TLK1: variants seen among roughly 807,000 people sequenced by gnomAD.
TLK1 encodes the protein tousled like kinase 1, also known as serine/threonine-protein kinase tousled-like 1.
In TLK1, 24 loss-of-function variants were observed where a neutral mutation model predicts 105.3. The observed-to-expected ratio is 0.23, with a 90% CI of 0.17 to 0.32. TLK1 has a LOEUF of 0.32. TLK1 is among the 10% of genes least tolerant of loss of function. TLK1 has a pLI of 1.00. For missense variants in TLK1, 558 were observed against 910.5 expected, an observed-to-expected ratio of 0.61 and a Z score of 4.98; for synonymous variants, 321 against 310.4, an observed-to-expected ratio of 1.03 and a Z score of -0.36.
intron 11 of TLK1, among the ~76,000 whole-genome samples, chr2:171,031,815 AT>A (rs1296185089): frequency 6.6e-6 from 1 of 152,202 alleles, no homozygotes; most frequent in Non-Finnish European, 1.5e-5. Flanking sequence ...AAACAGGGAT[AT>A]TCATTTTAAA....
intron 1 of TLK1, among the ~76,000 whole-genome samples, chr2:171,137,029 TA>T (rs1189478701): frequency 1.3e-5 from 2 of 152,204 alleles, no homozygotes; most frequent in Non-Finnish European, 2.9e-5. Context: ...ACAACTCTTT[TA>T]AAACAGTTTA....
chr2:171,114,079 T>C (rs906103731), intron 2 of TLK1, among the ~76,000 whole-genome samples: 3 of 152,236 alleles, frequency 2.0e-5, no homozygotes, highest in Non-Finnish European at 4.4e-5. Context: ...AAATATATTA[T>C]GGAATCTTAC....
rs752752472 is a variant in TLK1, at chr2:171,117,694, T to C, written c.258+45A>G. The stretch of plus-strand genomic sequence containing the variant: ...CCTTTACATACTATTTTAGATCATT[T>C]AATAGAAAGAAAGACTGTCAAATAA... On this transcript the variant is annotated intron_variant, in intron 2 of 20. Transcript: ENST00000431350. 2.0e-6 allele frequency: 3 copies of C among 1,466,440 alleles called. No homozygotes were observed. In the South Asian group the frequency reaches 3.5e-5, roughly 17 times the overall value. 90.8% of individuals were successfully genotyped at this position (1,466,440 alleles called of 1,614,324 possible). A position where few individuals can be genotyped will look rare whatever the true frequency, so the allele number is the denominator to read the frequency against.
chr2:171,172,767 C>T (rs1692754469), intron 1 of TLK1, among the ~76,000 whole-genome samples: 1 of 152,160 alleles, frequency 6.6e-6, no homozygotes, highest in Admixed American at 6.5e-5. Context: ...CCCCAGAAGC[C>T]ACGCAGATGT....
At chr2:171,095,677 AACAT>A (rs1689423114) in intron 2 of TLK1, among the ~76,000 whole-genome samples, 1 of 152,202 alleles carries the variant, frequency 6.6e-6, no homozygotes, top group South Asian at 2.1e-4. Context: ...AGGGTGGTTC[AACAT>A]ACATAGTCAA....
At chr2:171,079,379 C>T (rs1688649734) in intron 3 of TLK1, among the ~76,000 whole-genome samples, 1 of 152,210 alleles carries the variant, frequency 6.6e-6, no homozygotes, top group African/African-American at 2.4e-5. Flanking sequence ...TCTGTTACAG[C>T]ACAGCCTACA....
intron 12 of TLK1, among the ~76,000 whole-genome samples, chr2:171,027,813 A>C (rs926343857): frequency 4.6e-5 from 7 of 152,206 alleles, no homozygotes; most frequent in African/African-American, 1.4e-4. Flanking sequence ...TCACCATCTC[A>C]AGATTTTTAA....
At chr2:171,170,408 C>T (rs1028377977) in intron 1 of TLK1, among the ~76,000 whole-genome samples, 1 of 152,142 alleles carries the variant, frequency 6.6e-6, no homozygotes, top group Admixed American at 6.5e-5. Flanking sequence ...GTTGCAGAAC[C>T]ACTACCTCAC....
rs560505404 is a variant in TLK1 at position 171,068,678 on chromosome 2, AGTCT to A, written c.331-7526_331-7523del. ...GTTATGTATCATCAGGATTAGGAAC[AGTCT>A]GTCTGTCTATCTAGGTTTATATATA... On this transcript the variant is annotated intron_variant, in intron 3 of 20. Coordinates refer to ENST00000431350, the MANE Select transcript of TLK1 (RefSeq NM_012290.5). Among the ~76,000 whole-genome samples, 58 of 152,342 alleles carry A rather than the reference AGTCT, an allele frequency of 3.8e-4. 1 individual carries two copies. The East Asian group carries it at 8.9e-3, about 23-fold the overall frequency.
At chr2:171,107,513 T>C (rs925208496) in intron 2 of TLK1, among the ~76,000 whole-genome samples, 1 of 152,186 alleles carries the variant, frequency 6.6e-6, no homozygotes, top group African/African-American at 2.4e-5. Flanking sequence ...TTATGTATTA[T>C]AACAACAAGC....
intron 12 of TLK1, among the ~76,000 whole-genome samples, chr2:171,024,802 G>GT (rs1266403724): frequency 6.6e-6 from 1 of 152,174 alleles, no homozygotes. Context: ...TCTATAAAAA[G>GT]TAATATGTAA....
At chr2:171,120,454 A>G (rs1032042952) in intron 1 of TLK1, among the ~76,000 whole-genome samples, 1 of 152,144 alleles carries the variant, frequency 6.6e-6, no homozygotes, top group South Asian at 2.1e-4. Flanking sequence ...AATAACAAAA[A>G]AAACCCAATT....
chr2:171,160,567 T>TGGGGGAGGAAACCGAGAAG lies in TLK1; in HGVS notation c.-158_-140dup. 8.5e-7 allele frequency: 1 copy of TGGGGGAGGAAACCGAGAAG among 1,179,822 alleles called. No homozygotes were observed. 73.1% of individuals were successfully genotyped at this position (1,179,822 alleles called of 1,614,324 possible). On this transcript the variant is annotated 5_prime_UTR_variant, in exon 1 of 21. Coordinates refer to ENST00000431350, the MANE Select transcript of TLK1 (RefSeq NM_012290.5). The surrounding 1 kb of genome is among the most constrained non-coding windows in gnomAD (Gnocchi z 4.4). The stretch of plus-strand genomic sequence containing the variant: ...GGCTGGGAGGGGAGAGTCAAGGGGA[T>TGGGGGAGGAAACCGAGAAG]GGGGGAGGAAACCGAGAAGAGGGGA...
chr2:171,151,888 G>A (rs1469894465), intron 1 of TLK1, among the ~76,000 whole-genome samples: 2 of 152,076 alleles, frequency 1.3e-5, no homozygotes, highest in African/African-American at 4.8e-5. Flanking sequence ...AAAAGAAATC[G>A]GCAAGGAAAA....
chr2:171,184,901 C>T lies in TLK1; in HGVS notation c.-6+46244G>A, dbSNP rs181590722. On this transcript the variant is annotated intron_variant, in intron 1 of 20. Transcript: ENST00000521943. The stretch of plus-strand genomic sequence containing the variant: ...TCACCCAGGCTGGAGTGCAGTGGCA[C>T]GATCTCGGCTCACTACAAGCTCCGC... Among the ~76,000 whole-genome samples, 6 of 152,104 alleles carry T rather than the reference C, an allele frequency of 3.9e-5. No homozygotes were observed. The East Asian group carries it at 9.7e-4, about 25-fold the overall frequency.
At chr2:171,102,472 T>G (rs1689731474) in intron 2 of TLK1, among the ~76,000 whole-genome samples, 1 of 152,196 alleles carries the variant, frequency 6.6e-6, no homozygotes, top group Non-Finnish European at 1.5e-5. Flanking sequence ...GTTTATAACA[T>G]TTACCCTTCT....
chr2:171,071,928 C>A (rs966636064), intron 3 of TLK1, among the ~76,000 whole-genome samples: 2 of 152,102 alleles, frequency 1.3e-5, no homozygotes, highest in African/African-American at 4.8e-5. Context: ...CTGTTCTGTT[C>A]CACTGGTCTA....
chr2:171,214,648 A>G (rs894683770), intron 1 of TLK1, among the ~76,000 whole-genome samples: 8 of 152,196 alleles, frequency 5.3e-5, no homozygotes, highest in African/African-American at 1.4e-4. Context: ...TTGCATTTCT[A>G]TTAAGTTCCC....
intron 2 of TLK1, among the ~76,000 whole-genome samples, chr2:171,115,188 T>TTTTTTTTTG (rs1690362509): frequency 6.7e-6 from 1 of 150,028 alleles, no homozygotes; most frequent in African/African-American, 2.5e-5. Flanking sequence ...TTTTTTTTTT[T>TTTTTTTTTG]GAGACTGAGT....
Sources: allele counts gnomAD v4.1 joint callset (sites outside exome capture counted in the v4.1 genomes callset), GRCh38; gene constraint gnomAD v4.1.1; non-coding constraint Gnocchi (gnomAD v3.1); transcripts MANE v1.5; gene names NCBI Gene and HGNC (gene_info 2026-07-23, HGNC 2026-07-21).